Variants in PARD3 observed in about 807,000 individuals in gnomAD.
PARD3 encodes the protein partitioning defective 3 homolog.
In PARD3, 75 loss-of-function variants were observed where a neutral mutation model predicts 155.4. That is an observed-to-expected ratio of 0.48 (90% CI 0.40 to 0.58). PARD3 has a LOEUF of 0.58. Among genes scored for constraint, PARD3 ranks in the 20% least tolerant of loss-of-function variants. The probability of loss-of-function intolerance (pLI) is 0.00; values close to 1 mark genes in which losing one functional copy is unlikely to be tolerated. For synonymous variants in PARD3, 576 were observed against 610.5 expected, an observed-to-expected ratio of 0.94 and a Z score of 0.83; for missense variants, 1,642 against 1,721.7, an observed-to-expected ratio of 0.95 and a Z score of 0.82.
At chr10:34,552,962 T>G (rs368351068) in intron 2 of PARD3, among the ~76,000 whole-genome samples, 1 of 152,206 alleles carries the variant, frequency 6.6e-6, no homozygotes, top group Non-Finnish European at 1.5e-5. Context: ...CAATGCCAAC[T>G]TGAAGTGACT....
intron 7 of PARD3, among the ~76,000 whole-genome samples, chr10:34,394,029 G>A (rs1337768857): frequency 6.6e-6 from 1 of 151,696 alleles, no homozygotes; most frequent in Non-Finnish European, 1.5e-5. Context: ...GTAGAGATGG[G>A]GCTTCACCAT....
chr10:34,527,901 G>T (rs967773586), intron 2 of PARD3, among the ~76,000 whole-genome samples: 4 of 152,144 alleles, frequency 2.6e-5, no homozygotes, highest in Non-Finnish European at 5.9e-5. Context: ...ACAAAGGAGA[G>T]ATAACGGTGT....
intron 22 of PARD3, among the ~76,000 whole-genome samples, chr10:34,182,886 A>C (rs1399086203): frequency 6.6e-6 from 1 of 152,224 alleles, no homozygotes; most frequent in Non-Finnish European, 1.5e-5. Flanking sequence ...TTCTCATCAG[A>C]AATTCAAATA....
At chr10:34,324,724 T>C (rs1958580037) in intron 19 of PARD3, among the ~76,000 whole-genome samples, 1 of 152,184 alleles carries the variant, frequency 6.6e-6, no homozygotes. Flanking sequence ...AGTGAGATGA[T>C]GATTCCAAGT....
intron 12 of PARD3, among the ~76,000 whole-genome samples, chr10:34,365,896 C>A (rs1839920960): frequency 6.6e-6 from 1 of 151,954 alleles, no homozygotes; most frequent in Non-Finnish European, 1.5e-5. Context: ...ACAAGAAAAT[C>A]ATTTAAAAAA....
chr10:34,706,600 A>G (rs933394323), intron 1 of PARD3, among the ~76,000 whole-genome samples: 1 of 151,824 alleles, frequency 6.6e-6, no homozygotes, highest in Non-Finnish European at 1.5e-5. Context: ...AAACAAAACA[A>G]AACAAAAAAA....
At chr10:34,597,668 A>ATTATCCTAATTT (rs1329114831) in intron 2 of PARD3, among the ~76,000 whole-genome samples, 1 of 152,148 alleles carries the variant, frequency 6.6e-6, no homozygotes, top group African/African-American at 2.4e-5. Flanking sequence ...AATTCTTAGA[A>ATTATCCTAATTT]TTATCCTAAT....
At chr10:34,339,967 T>C (rs551432242) in intron 16 of PARD3, among the ~76,000 whole-genome samples, 1 of 152,308 alleles carries the variant, frequency 6.6e-6, no homozygotes, top group South Asian at 2.1e-4. Flanking sequence ...TCCTGTCTTA[T>C]TGGCCTTTTG....
At chr10:34,626,227 A>C (rs939361437) in intron 2 of PARD3, among the ~76,000 whole-genome samples, 1 of 152,228 alleles carries the variant, frequency 6.6e-6, no homozygotes, top group Non-Finnish European at 1.5e-5. Flanking sequence ...GACCAAGAGA[A>C]GAGCAGACTC....
At chr10:34,629,893 A>G (rs541195231) in intron 2 of PARD3, among the ~76,000 whole-genome samples, 180 of 152,342 alleles carry the variant, frequency 1.2e-3, no homozygotes, top group Non-Finnish European at 2.0e-3. Context: ...TAGAATATGC[A>G]TAGATATTAA....
chr10:34,314,523 G>C (rs1438961578), intron 20 of PARD3, among the ~76,000 whole-genome samples: 2 of 152,208 alleles, frequency 1.3e-5, no homozygotes, highest in African/African-American at 4.8e-5. Context: ...AGGGGCACTA[G>C]ACAAGATGCT....
chr10:34,287,735 C>T (rs934408939), intron 20 of PARD3, among the ~76,000 whole-genome samples: 1 of 152,160 alleles, frequency 6.6e-6, no homozygotes, highest in Non-Finnish European at 1.5e-5. Context: ...ATCTTTTTCT[C>T]TTAAGTACGT....
chr10:34,249,028 T>A (rs953629361), intron 22 of PARD3, among the ~76,000 whole-genome samples: 3 of 152,084 alleles, frequency 2.0e-5, no homozygotes, highest in African/African-American at 4.8e-5. Context: ...CTCCTTAATT[T>A]TTTTTAGACT....
chr10:34,751,498 T>C (rs1319878597), intron 1 of PARD3, among the ~76,000 whole-genome samples: 1 of 152,204 alleles, frequency 6.6e-6, no homozygotes, highest in East Asian at 1.9e-4. Flanking sequence ...ACTTTAATTG[T>C]CCTACACATC....
chr10:34,364,353 G>T (rs866042075), intron 12 of PARD3, among the ~76,000 whole-genome samples: 28 of 152,144 alleles, frequency 1.8e-4, no homozygotes, highest in African/African-American at 6.7e-4. Flanking sequence ...AACAAAATAC[G>T]TGACTCAGCA....
At chr10:34,524,473 T>C (rs949967128) in intron 2 of PARD3, among the ~76,000 whole-genome samples, 3 of 152,194 alleles carry the variant, frequency 2.0e-5, no homozygotes, top group Non-Finnish European at 2.9e-5. Context: ...CAGGGTGACA[T>C]AGTCTATCAC....
intron 22 of PARD3, among the ~76,000 whole-genome samples, chr10:34,219,677 T>C (rs1952181755): frequency 6.6e-6 from 1 of 152,210 alleles, no homozygotes. Flanking sequence ...TGCCCCCTGG[T>C]TTTGATGTTA....
chr10:34,282,881 A>C (rs879473638), intron 21 of PARD3, among the ~76,000 whole-genome samples: 4 of 152,180 alleles, frequency 2.6e-5, no homozygotes, highest in Non-Finnish European at 5.9e-5. Context: ...TGGGAATCCC[A>C]AAATTGATGA....
intron 12 of PARD3, among the ~76,000 whole-genome samples, chr10:34,371,319 C>T (rs547861671): frequency 5.5e-4 from 83 of 151,528 alleles, no homozygotes; most frequent in African/African-American, 1.8e-3. Context: ...GAATTGTCTA[C>T]AACACACACT....
Sources: gnomAD v4.1 joint callset for allele counts (sites outside exome capture counted in the v4.1 genomes callset) on GRCh38, gnomAD v4.1.1 for gene constraint, MANE v1.5 for transcripts, NCBI Gene and HGNC (gene_info 2026-07-23, HGNC 2026-07-21) for gene names.